VAPB: variants seen among roughly 807,000 people sequenced by gnomAD.
The protein encoded by VAPB is vesicle-associated membrane protein-associated protein B/C.
In VAPB, 7 loss-of-function variants were observed where a neutral mutation model predicts 25.6. The ratio of observed to expected loss-of-function variants is 0.27; its 90% CI spans 0.16 to 0.51. The LOEUF (loss-of-function observed/expected upper bound fraction) is 0.51. Among genes scored for constraint, VAPB ranks in the 20% least tolerant of loss-of-function variants. The probability of loss-of-function intolerance (pLI) is 0.97; values close to 1 mark genes in which losing one functional copy is unlikely to be tolerated. For synonymous variants in VAPB, 112 were observed against 109.2 expected, an observed-to-expected ratio of 1.03 and a Z score of -0.16; for missense variants, 266 against 301.3, an observed-to-expected ratio of 0.88 and a Z score of 0.87.
Position 58,449,462 on chromosome 20 carries a change from A to G in VAPB, c.*5227A>G, listed in dbSNP as rs921699267. On this transcript the variant is annotated 3_prime_UTR_variant, in exon 6 of 6. Coordinates refer to ENST00000475243, the MANE Select transcript of VAPB (RefSeq NM_004738.5). ...CTTGAGATTTTTTTTTCTTAATGGA[A>G]TTAGTTTATTAGAAAATGTCTGTGT... 8.9e-6 allele frequency: 4 copies of G among 449,648 alleles called. No homozygotes were observed. Among genetic ancestry groups the G allele is most frequent in the South Asian group, 1.6e-5 (1 of 62,964 alleles). 27.9% of individuals were successfully genotyped at this position (449,648 alleles called of 1,614,324 possible).
intron 2 of VAPB, among the ~76,000 whole-genome samples, chr20:58,427,997 G>A (rs866834886): frequency 2.7e-5 from 4 of 150,844 alleles, no homozygotes; most frequent in African/African-American, 4.9e-5. Flanking sequence ...TGATGCAGGC[G>A]AAAGTGATCT....
rs777026649 is a variant in VAPB at position 58,389,472 on chromosome 20, G to A, written c.13G>A (p.Glu5Lys). MAKV[E>K]QVLSLEPQHE... Reference sequence around the variant, plus strand: ...GCCGCTAAGGAACATGGCGAAGGTGGAGCAGGTCCTGAGCCTCGAGCCGCA... The same window carrying A: ...GCCGCTAAGGAACATGGCGAAGGTGAAGCAGGTCCTGAGCCTCGAGCCGCA... Residue 5 changes from glutamate (E) to lysine (K), a missense_variant, in exon 1 of 6, where the codon GAG becomes AAG. This residue lies in a region of VAPB where 32 missense variants were observed against 23.5 expected (regional missense o/e 1.36). Coordinates refer to ENST00000475243, the MANE Select transcript of VAPB (RefSeq NM_004738.5). 15 of 1,597,150 alleles carry A rather than the reference G, an allele frequency of 9.4e-6. No homozygotes were observed. The highest frequency in any genetic ancestry group is 1.1e-5 in the South Asian group (1 of 87,974).
intron 1 of VAPB, among the ~76,000 whole-genome samples, chr20:58,415,919 A>G (rs1464607593): frequency 6.6e-6 from 1 of 152,242 alleles, no homozygotes; most frequent in Non-Finnish European, 1.5e-5. Context: ...TTTATTTTCA[A>G]TAAAATTCTT....
intron 5 of VAPB, among the ~76,000 whole-genome samples, 184 bp from the exon 6 acceptor site, chr20:58,443,893 T>C (rs1437422985): frequency 6.6e-6 from 1 of 152,180 alleles, no homozygotes; most frequent in African/African-American, 2.4e-5. Flanking sequence ...GGGACTGTTT[T>C]CTCAGTGGCT....
At chr20:58,409,435 G>C (rs1988319959) in intron 1 of VAPB, among the ~76,000 whole-genome samples, 1 of 152,134 alleles carries the variant, frequency 6.6e-6, no homozygotes, top group Non-Finnish European at 1.5e-5. Flanking sequence ...CACATAGAGA[G>C]TCTACTGTAT....
rs1304162933 is a variant in VAPB at position 58,448,708 on chromosome 20, A to C, written c.*4473A>C. The C allele has an allele frequency of 2.2e-6, 1 of 453,746 alleles. No homozygotes were observed. Among genetic ancestry groups the C allele is most frequent in the Non-Finnish European group, 4.4e-6 (1 of 226,632 alleles). The allele number at this position is 453,746 out of a possible 1,614,324, so 28.1% of individuals were successfully genotyped here. ...ACCTTATTCAGTTATTTTCACACTA[A>C]AGTAAGTAGAATTAAGACTGTAGTT... On this transcript the variant is annotated 3_prime_UTR_variant, in exon 6 of 6. Transcript: ENST00000475243.
intron 2 of VAPB, among the ~76,000 whole-genome samples, chr20:58,433,453 C>A (rs1988969470): frequency 1.3e-5 from 2 of 152,144 alleles, no homozygotes; most frequent in Non-Finnish European, 2.9e-5. Context: ...GATGAGGGCC[C>A]AGCAGAAAGG....
At chr20:58,395,986 T>C (rs940081858) in intron 1 of VAPB, among the ~76,000 whole-genome samples, 2 of 152,216 alleles carry the variant, frequency 1.3e-5, no homozygotes, top group Non-Finnish European at 2.9e-5. Context: ...TGCATCCTTT[T>C]AACAGAAGCT....
chr20:58,414,457 C>T (rs116111376), intron 1 of VAPB, among the ~76,000 whole-genome samples: 16,317 of 150,946 alleles, frequency 0.11, 990 homozygotes, highest in Middle Eastern at 0.18. Context: ...AGGGTCTCCC[C>T]ACTCCTCAGA....
intron 1 of VAPB, among the ~76,000 whole-genome samples, chr20:58,417,786 T>A (rs1016634267): frequency 1.1e-4 from 16 of 152,208 alleles, no homozygotes; most frequent in African/African-American, 3.6e-4. Context: ...CTCTCCCTGT[T>A]AGATTTCATA....
rs766551604 is a variant in VAPB, at chr20:58,389,484, A to G, written c.25A>G (p.Ser9Gly). The change falls in exon 1 of 6, where the codon AGC (serine) becomes GGC (glycine). Residue 9 changes from serine to glycine, a missense_variant. Ser to Gly is a moderately conservative substitution (Grantham distance 56). Around this residue, in one of 3 missense-constraint regions of VAPB, gnomAD observed 32 missense variants for 23.5 expected, o/e 1.36. Transcript: ENST00000475243. MAKVEQVLSLEPQHELKFR... is the reference protein window; with the variant it reads MAKVEQVLGLEPQHELKFR... ...CATGGCGAAGGTGGAGCAGGTCCTG[A>G]GCCTCGAGCCGCAGCACGAGCTCAA... 6.3e-7 allele frequency: 1 copy of G among 1,595,486 alleles called. No individual in the cohort carries two copies. The highest frequency in any genetic ancestry group is 1.3e-5 in the African/African-American group (1 of 74,224).
chr20:58,425,688 T>C (rs1007533484), intron 2 of VAPB, among the ~76,000 whole-genome samples: 3 of 152,110 alleles, frequency 2.0e-5, no homozygotes, highest in Non-Finnish European at 2.9e-5. Flanking sequence ...TTTCCAGGTG[T>C]GTACCCTGGG....
At position 58,450,447 on chromosome 20, in the gene VAPB, T is replaced by A. The variant is rs570804957; in HGVS notation, c.*6212T>A. The A allele has an allele frequency of 6.8e-5, 31 of 454,074 alleles. No homozygotes were observed. Among genetic ancestry groups the A allele is most frequent in the African/African-American group, 5.8e-4 (29 of 50,108 alleles). 28.1% of individuals were successfully genotyped at this position (454,074 alleles called of 1,614,324 possible). Reference sequence around the variant, plus strand: ...GTAGCCTAAGTAAGGTGACTCAAGATGATACACCGAGAGAAAAATGCAAAA... The same window carrying A: ...GTAGCCTAAGTAAGGTGACTCAAGAAGATACACCGAGAGAAAAATGCAAAA... On this transcript the variant is annotated 3_prime_UTR_variant, in exon 6 of 6. Coordinates refer to ENST00000475243, the MANE Select transcript of VAPB (RefSeq NM_004738.5).
At chr20:58,443,219 T>G (rs191029480) in intron 5 of VAPB, among the ~76,000 whole-genome samples, 1 of 152,180 alleles carries the variant, frequency 6.6e-6, no homozygotes. Flanking sequence ...AAAAAGAATG[T>G]TGCTTCTTCA....
chr20:58,420,129 G>T (rs1274883126), intron 2 of VAPB, among the ~76,000 whole-genome samples: 4 of 152,072 alleles, frequency 2.6e-5, no homozygotes, highest in Non-Finnish European at 5.9e-5. Context: ...AGGATTACAG[G>T]TGCGTGCCAC....
intron 2 of VAPB, among the ~76,000 whole-genome samples, chr20:58,421,938 A>G (rs1988677863): frequency 6.6e-6 from 1 of 152,232 alleles, no homozygotes; most frequent in Non-Finnish European, 1.5e-5. Context: ...TCAAAAGTTC[A>G]GGCTCTGACC....
intron 1 of VAPB, among the ~76,000 whole-genome samples, chr20:58,394,265 G>A (rs900345894): frequency 6.6e-5 from 10 of 152,316 alleles, no homozygotes; most frequent in Middle Eastern, 3.4e-3. Context: ...TATGGGAAAA[G>A]TTGGCTTAGA....
intron 1 of VAPB, among the ~76,000 whole-genome samples, chr20:58,398,153 CAA>C (rs2123023292): frequency 6.6e-6 from 1 of 152,328 alleles, no homozygotes; most frequent in East Asian, 1.9e-4. Flanking sequence ...TCCAGTTGCA[CAA>C]AGTCATCTAG....
At chr20:58,425,176 G>A (rs762545234) in intron 2 of VAPB, among the ~76,000 whole-genome samples, 9 of 152,244 alleles carry the variant, frequency 5.9e-5, no homozygotes, top group Non-Finnish European at 8.8e-5. Flanking sequence ...ACTTCATTCC[G>A]ACCCTGTAAG....
Sources: gnomAD v4.1 joint callset for allele counts (sites outside exome capture counted in the v4.1 genomes callset) on GRCh38, gnomAD v4.1.1 for gene constraint, gnomAD v4.1.1 regional missense constraint, MANE v1.5 for transcripts, NCBI Gene and HGNC (gene_info 2026-07-23, HGNC 2026-07-21) for gene names.